ROBO2: variants seen among roughly 807,000 people sequenced by gnomAD.
ROBO2 encodes the protein roundabout guidance receptor 2.
Under a neutral mutation model 160.8 loss-of-function variants are expected in ROBO2, and 53 were observed. The ratio of observed to expected loss-of-function variants is 0.33; its 90% CI spans 0.26 to 0.41. ROBO2 has a LOEUF of 0.41. Among genes scored for constraint, ROBO2 ranks in the 10% least tolerant of loss-of-function variants. The probability of loss-of-function intolerance (pLI) is 1.00; values close to 1 mark genes in which losing one functional copy is unlikely to be tolerated. For synonymous variants in ROBO2, 664 were observed against 611.7 expected (o/e 1.09, Z -1.26); for missense variants, 1,577 against 1,722.4 (o/e 0.92, Z 1.49).
intron 2 of ROBO2, among the ~76,000 whole-genome samples, chr3:76,532,093 CAT>C (rs1163277997): frequency 6.6e-6 from 1 of 152,172 alleles, no homozygotes; most frequent in African/African-American, 2.4e-5. Flanking sequence ...TTAATCAGGA[CAT>C]ATCTTTGTCT....
At chr3:77,336,969 T>G (rs955418860) in intron 2 of ROBO2, among the ~76,000 whole-genome samples, 2 of 152,152 alleles carry the variant, frequency 1.3e-5, no homozygotes, top group Admixed American at 1.3e-4. Flanking sequence ...GATAAAATAA[T>G]GTCTGTATTC....
chr3:76,969,638 C>T (rs1219938445), intron 2 of ROBO2, among the ~76,000 whole-genome samples: 2 of 152,154 alleles, frequency 1.3e-5, no homozygotes, highest in African/African-American at 2.4e-5. Flanking sequence ...CTCTTGATTT[C>T]TACCCCTTTA....
At chr3:76,968,235 A>G (rs1356695819) in intron 2 of ROBO2, among the ~76,000 whole-genome samples, 1 of 152,174 alleles carries the variant, frequency 6.6e-6, no homozygotes. Flanking sequence ...TATATGAGGC[A>G]TATTGTTTTA....
chr3:77,120,570 C>G (rs1275821862), intron 2 of ROBO2, among the ~76,000 whole-genome samples: 1 of 152,094 alleles, frequency 6.6e-6, no homozygotes, highest in Non-Finnish European at 1.5e-5. Context: ...TTAAGATTAG[C>G]CTGACGTCGT....
chr3:77,149,138 C>T (rs563459111), intron 2 of ROBO2, among the ~76,000 whole-genome samples: 16 of 150,680 alleles, frequency 1.1e-4, no homozygotes, highest in Admixed American at 4.0e-4. Context: ...TGGGTTCAAG[C>T]GATTCTCCTG....
chr3:77,178,451 T>C (rs2080370842), intron 2 of ROBO2, among the ~76,000 whole-genome samples: 1 of 152,008 alleles, frequency 6.6e-6, no homozygotes, highest in African/African-American at 2.4e-5. Flanking sequence ...TCAACAGCAA[T>C]GATCTCAAAT....
chr3:77,111,115 CT>C (rs1234568008), intron 2 of ROBO2, among the ~76,000 whole-genome samples: 10 of 152,074 alleles, frequency 6.6e-5, no homozygotes, highest in Admixed American at 3.3e-4. Flanking sequence ...AAAATTAAAA[CT>C]TTAATTCTTT....
intron 2 of ROBO2, among the ~76,000 whole-genome samples, chr3:76,981,367 A>C (rs1460647343): frequency 6.6e-6 from 1 of 152,158 alleles, no homozygotes; most frequent in Non-Finnish European, 1.5e-5. Flanking sequence ...TTTTTACTAC[A>C]GCTATCATAG....
In ROBO2 at chr3:77,523,929, A is replaced by G. The variant is rs138953233; in HGVS notation, c.934+1027A>G. On this transcript the variant is annotated intron_variant, in intron 6 of 25. Transcript: ENST00000461745. ...CCAAAGAGATTCAGAAGGTTAGGAAAAAGGTTCGGAGAAGTTTGAAGTTGC... is the reference window on the plus strand; with the variant it reads ...CCAAAGAGATTCAGAAGGTTAGGAAGAAGGTTCGGAGAAGTTTGAAGTTGC... Among the ~76,000 whole-genome samples, 4 of 151,412 alleles carry G rather than the reference A, an allele frequency of 2.6e-5. No homozygotes were observed. The East Asian group carries it at 5.9e-4, about 22-fold the overall frequency.
intron 2 of ROBO2, among the ~76,000 whole-genome samples, chr3:77,247,682 G>C (rs1281507953): frequency 6.6e-6 from 1 of 152,150 alleles, no homozygotes; most frequent in Non-Finnish European, 1.5e-5. Context: ...TGACAATTTT[G>C]CAAATGCACG....
rs553794093 is a variant in ROBO2 at position 77,244,228 on chromosome 3, G to C, written c.388+145888G>C. 1.1e-4 allele frequency among the ~76,000 whole-genome samples: 17 copies of C among 152,296 alleles called. No individual in the cohort carries two copies. The South Asian group carries it at 3.5e-3, about 32-fold the overall frequency. On this transcript the variant is annotated intron_variant, in intron 2 of 25. Coordinates refer to ENST00000461745, the Ensembl canonical transcript of ROBO2. ...AACTTACTGGAAGAATCATGTTTTA[G>C]TGGGGGAAATTAACATATAGGCTTT...
At chr3:77,453,024 C>T (rs1378994797) in intron 2 of ROBO2, among the ~76,000 whole-genome samples, 2 of 152,096 alleles carry the variant, frequency 1.3e-5, no homozygotes, top group Non-Finnish European at 2.9e-5. Flanking sequence ...GCTGACATTT[C>T]CCCAAAGTAT....
chr3:77,519,364 C>A (rs2090354915), intron 5 of ROBO2, among the ~76,000 whole-genome samples: 1 of 151,040 alleles, frequency 6.6e-6, no homozygotes, highest in African/African-American at 2.4e-5. Flanking sequence ...TAAATTTCAA[C>A]CTTTATTTTA....
chr3:76,627,404 G>A (rs561245711), intron 2 of ROBO2, among the ~76,000 whole-genome samples: 1 of 152,250 alleles, frequency 6.6e-6, no homozygotes, highest in South Asian at 2.1e-4. Context: ...ATGATGTAAG[G>A]GATAAAGATA....
At chr3:77,273,393 T>C (rs1240330129) in intron 2 of ROBO2, among the ~76,000 whole-genome samples, 1 of 152,172 alleles carries the variant, frequency 6.6e-6, no homozygotes, top group Non-Finnish European at 1.5e-5. Context: ...CATGGATCCT[T>C]GCTGAAGTAC....
At chr3:77,288,095 A>T (rs2060737170) in intron 2 of ROBO2, among the ~76,000 whole-genome samples, 1 of 152,190 alleles carries the variant, frequency 6.6e-6, no homozygotes, top group Non-Finnish European at 1.5e-5. Flanking sequence ...AGGGTATTTT[A>T]TGTGTGTAAT....
At position 76,396,469 on chromosome 3, in the gene ROBO2, T is replaced by C. The variant is rs370020458; in HGVS notation, c.109+458867T>C. Among the ~76,000 whole-genome samples the C allele has an allele frequency of 4.1e-3, 616 of 151,982 alleles. 5 individuals carry two copies. Among genetic ancestry groups the C allele is most frequent in the African/African-American group, 0.014 (571 of 41,442 alleles). On this transcript the variant is annotated intron_variant, in intron 2 of 26. Transcript: ENST00000487694. ...TTCAACATAGTGTTGGAAGTTCTGG[T>C]CAGGGCAATTAGGCAGGAGAAGGAA...
chr3:76,405,617 T>C (rs2108791100), intron 2 of ROBO2, among the ~76,000 whole-genome samples: 1 of 151,826 alleles, frequency 6.6e-6, no homozygotes, highest in South Asian at 2.1e-4. Flanking sequence ...TACTTATAGG[T>C]ATCCAAAATT....
At chr3:77,255,554 A>C (rs1374163045) in intron 2 of ROBO2, among the ~76,000 whole-genome samples, 2 of 152,144 alleles carry the variant, frequency 1.3e-5, no homozygotes, top group Non-Finnish European at 2.9e-5. Flanking sequence ...GAACTCAGGA[A>C]CCAGACAGAT....
Sources: allele counts gnomAD v4.1 joint callset (sites outside exome capture counted in the v4.1 genomes callset), GRCh38; gene constraint gnomAD v4.1.1; transcripts MANE v1.5; gene names NCBI Gene and HGNC (gene_info 2026-07-23, HGNC 2026-07-21).